The following NOD1 variants were observed in gnomAD, a reference collection of about 807,000 sequenced individuals.
NOD1 encodes nucleotide binding oligomerization domain containing 1, also known as nucleotide-binding oligomerization domain-containing protein 1.
A neutral mutation model predicts 81.2 loss-of-function variants in NOD1; 70 were observed. The observed-to-expected ratio is 0.86, with a 90% CI of 0.71 to 1.05. The LOEUF is 1.05. Among genes scored for constraint, NOD1 ranks in the 50% least tolerant of loss-of-function variants. NOD1 has a pLI of 0.00. For missense variants in NOD1, 1,233 were observed against 1,228.0 expected (o/e 1.00, Z -0.06); for synonymous variants, 508 against 526.9 (o/e 0.96, Z 0.49).
intron 11 of NOD1, 96 bp downstream of exon 11, chr7:30,435,902 G>A: frequency 9.9e-7 from 1 of 1,005,964 alleles, no homozygotes; most frequent in Non-Finnish European, 1.5e-6. Context: ...AGGCTGCAGT[G>A]AGCTGAGATC....
intron 12 of NOD1, among the ~76,000 whole-genome samples, chr7:30,431,229 C>CAAAT (rs59696387): frequency 0.29 from 43,366 of 151,930 alleles, 6,255 homozygotes; most frequent in Admixed American, 0.33. Context: ...GGAATGGGAT[C>CAAAT]AAATAATTCT....
chr7:30,477,124 T>A (rs910056795), intron 1 of NOD1, among the ~76,000 whole-genome samples: 2 of 152,200 alleles, frequency 1.3e-5, no homozygotes, highest in East Asian at 3.9e-4. Flanking sequence ...AGTGACAGAA[T>A]CCGAGTTTTG....
intron 9 of NOD1, 54 bp downstream of exon 9, chr7:30,446,087 G>GCCCCCCC: frequency 2.3e-6 from 3 of 1,302,954 alleles, no homozygotes; most frequent in Admixed American, 1.7e-5. Context: ...AGCAAGGCCC[G>GCCCCCCC]CCCCCCACAC....
At position 30,424,825 on chromosome 7, in the gene NOD1, C is replaced by G. The variant is rs1000152551; in HGVS notation, c.*813G>C. ...GCCATGCCCTATTTCTTTGGAGGGACAGAATCACTTCTTCCCAAGGCCAGA... is the reference window on the plus strand; with the variant it reads ...GCCATGCCCTATTTCTTTGGAGGGAGAGAATCACTTCTTCCCAAGGCCAGA... On this transcript the variant is annotated 3_prime_UTR_variant, in exon 14 of 14. Transcript: ENST00000222823. 2.6e-5 allele frequency: 4 copies of G among 152,254 alleles called. No individual in the cohort carries two copies. The highest frequency in any genetic ancestry group is 5.9e-5 in the Non-Finnish European group (4 of 68,102). 9.4% of individuals were successfully genotyped at this position (152,254 alleles called of 1,614,324 possible). A position where few individuals can be genotyped will look rare whatever the true frequency, so the allele number is the denominator to read the frequency against.
intron 1 of NOD1, chr7:30,469,351 A>C (rs965737966): frequency 6.7e-6 from 4 of 596,364 alleles, no homozygotes; most frequent in African/African-American, 4.0e-5. Flanking sequence ...AAGCAGATGG[A>C]AGTCAGTCCC....
At chr7:30,447,196 G>A (rs778140023) in intron 7 of NOD1, 146 bp from the exon 8 acceptor site, 7 of 1,368,678 alleles carry the variant, frequency 5.1e-6, no homozygotes, top group Non-Finnish European at 7.1e-6. Context: ...GGGCTCTGAG[G>A]TCTCACAGCT....
chr7:30,463,535 C>T (rs970773481), intron 1 of NOD1: 4 of 152,572 alleles, frequency 2.6e-5, no homozygotes, highest in African/African-American at 9.7e-5. Flanking sequence ...AGGAGTCTCA[C>T]CTCCTGGAGA....
Position 30,455,243 on chromosome 7 carries a change from G to A in NOD1, c.270C>T (p.Leu90=), listed in dbSNP as rs564726633. ...EEVSEFFLYL[L]QQLADAYVDL... ...CCACGTAGGCATCTGCGAGTTGCTG[G>A]AGCAAGTAGAGGAAGAACTCGGACA... Residue 90 remains leucine (L), a synonymous_variant, in exon 5 of 14, where the codon CTC becomes CTT. Coordinates refer to ENST00000222823, the MANE Select transcript of NOD1 (RefSeq NM_006092.4). 8 of 1,614,158 alleles carry A rather than the reference G, an allele frequency of 5.0e-6. No individual in the cohort carries two copies. In the South Asian group the frequency reaches 8.8e-5, roughly 18 times the overall value.
At chr7:30,475,451 C>T (rs1430372675) in intron 1 of NOD1, among the ~76,000 whole-genome samples, 8 of 152,218 alleles carry the variant, frequency 5.3e-5, no homozygotes, top group South Asian at 2.1e-4. Context: ...AGGAAAAGGA[C>T]GCTTCAGTAA....
At chr7:30,473,796 T>C (rs781252121) in intron 1 of NOD1, among the ~76,000 whole-genome samples, 3 of 152,156 alleles carry the variant, frequency 2.0e-5, no homozygotes, top group African/African-American at 4.8e-5. Context: ...GGGTACTCAC[T>C]GAGCAGCTGG....
At chr7:30,448,118 G>T in intron 7 of NOD1, 180 bp downstream of exon 7, 1 of 604,258 alleles carries the variant, frequency 1.7e-6, no homozygotes, top group Non-Finnish European at 3.0e-6. Flanking sequence ...CTGAGGCTCA[G>T]CAAGACTTCA....
rs751965250 is a variant in NOD1, at chr7:30,452,441, C to G, written c.976G>C (p.Ala326Pro). ...NLLSGKLLKG[A>P]SKLLTARTGI... ...GTGCGGGCTGTGAGCAGCTTGCTAGCCCCCTTGAGCAGCTTCCCACTGAGC... is the reference window on the plus strand; with the variant it reads ...GTGCGGGCTGTGAGCAGCTTGCTAGGCCCCTTGAGCAGCTTCCCACTGAGC... The change falls in exon 6 of 14, where the codon GCT (alanine) becomes CCT (proline). Residue 326 changes from alanine (A) to proline (P), a missense_variant. Transcript: ENST00000222823. 3 of 1,613,194 alleles carry G rather than the reference C, an allele frequency of 1.9e-6. No individual in the cohort carries two copies. Among genetic ancestry groups the G allele is most frequent in the Admixed American group, 3.3e-5 (2 of 59,980 alleles).
intron 9 of NOD1, among the ~76,000 whole-genome samples, chr7:30,445,603 A>T (rs1033741617): frequency 1.3e-5 from 2 of 151,914 alleles, no homozygotes; most frequent in Non-Finnish European, 1.5e-5. Context: ...TACTAAAAAT[A>T]CAAAAATTAG....
intron 3 of NOD1, among the ~76,000 whole-genome samples, chr7:30,458,048 G>A (rs920993127): frequency 6.6e-5 from 10 of 152,060 alleles, no homozygotes; most frequent in Admixed American, 1.3e-4. Flanking sequence ...CCCAAGAGAG[G>A]TATCTCTCTG....
rs1273780744 is a variant in NOD1, at chr7:30,446,963, T to G, written c.2369+4A>C. ...CTAAGGAACCTGGTGCCTACCCCAC[T>G]TACTTAAGATGCGTGAGGCCTTTGC... On this transcript the variant is annotated splice_donor_region_variant and intron_variant, in intron 8 of 13. Transcript: ENST00000222823. The G allele has an allele frequency of 3.1e-6, 5 of 1,611,396 alleles. No homozygotes were observed. The South Asian group carries it at 5.5e-5, about 18-fold the overall frequency.
chr7:30,439,033 G>A (rs1036494449), intron 9 of NOD1, among the ~76,000 whole-genome samples: 1 of 152,116 alleles, frequency 6.6e-6, no homozygotes, highest in Non-Finnish European at 1.5e-5. Context: ...AAACCACAAT[G>A]AGACAGGACC....
chr7:30,430,186 A>G (rs1302450917), intron 12 of NOD1, among the ~76,000 whole-genome samples: 1 of 152,216 alleles, frequency 6.6e-6, no homozygotes, highest in East Asian at 1.9e-4. Context: ...AGAAACAGTT[A>G]TGCTGCCATG....
chr7:30,460,081 G>C (rs1432970890), intron 1 of NOD1, 40 bp from the exon 2 acceptor site: 1 of 218,630 alleles, frequency 4.6e-6, no homozygotes, highest in Non-Finnish European at 7.8e-6. Context: ...CATCTGGCAA[G>C]GAGGCTGCTT....
intron 9 of NOD1, among the ~76,000 whole-genome samples, chr7:30,437,935 C>G (rs137947410): frequency 3.9e-5 from 6 of 152,202 alleles, no homozygotes; most frequent in Non-Finnish European, 5.9e-5. Context: ...AGCCTCACCA[C>G]GAGCTTCGGA....
Sources: gnomAD v4.1 joint callset for allele counts (sites outside exome capture counted in the v4.1 genomes callset) on GRCh38, gnomAD v4.1.1 for gene constraint, MANE v1.5 for transcripts, NCBI Gene and HGNC (gene_info 2026-07-23, HGNC 2026-07-21) for gene names.